Variants in ZNF214 observed in about 807,000 individuals in gnomAD.
ZNF214 encodes zinc finger protein 214, also known as BWSCR2-associated zinc finger protein 1.
A neutral mutation model predicts 53.9 loss-of-function variants in ZNF214; 43 were observed. The ratio of observed to expected loss-of-function variants is 0.80; its 90% CI spans 0.63 to 1.03. ZNF214 has a LOEUF of 1.03. Among genes scored for constraint, ZNF214 ranks in the 50% least tolerant of loss-of-function variants. The probability of loss-of-function intolerance (pLI) is 0.00; values close to 1 mark genes in which losing one functional copy is unlikely to be tolerated. For synonymous variants in ZNF214, 217 were observed against 229.5 expected, an observed-to-expected ratio of 0.95 and a Z score of 0.49; for missense variants, 724 against 719.1, an observed-to-expected ratio of 1.01 and a Z score of -0.08.
intron 2 of ZNF214, 86 bp from the exon 3 acceptor site, chr11:7,001,641 A>G: frequency 7.0e-7 from 1 of 1,430,850 alleles, no homozygotes; most frequent in Non-Finnish European, 9.3e-7. Flanking sequence ...CCTTTAAATG[A>G]TAGGAATATA....
In ZNF214 at chr11:7,000,214, C is replaced by T; in HGVS notation, c.1469G>A (p.Arg490Lys). The change falls in exon 3 of 3, where the codon AGA becomes AAA. Residue 490 changes from arginine to lysine, a missense_variant. Coordinates refer to ENST00000278314, the MANE Select transcript of ZNF214 (RefSeq NM_013249.4). ...GTAGGGTTTCTCTCCAGTATGTACT[C>T]TTTGATGAGTGTGAAGCTTTGAACT... The part of the protein sequence containing the change: ...SKSSKLHTHQ[R>K]VHTGEKPYKC... 6.2e-7 allele frequency: 1 copy of T among 1,613,308 alleles called. No individual in the cohort carries two copies. Among genetic ancestry groups the T allele is most frequent in the African/African-American group, 1.3e-5 (1 of 74,952 alleles).
chr11:7,001,598 T>G (rs1173039463), intron 2 of ZNF214, 43 bp from the exon 3 acceptor site: 1 of 1,529,698 alleles, frequency 6.5e-7, no homozygotes, highest in Non-Finnish European at 8.7e-7. Flanking sequence ...ATAAAAGCTG[T>G]GTTGAAAAAT....
chr11:7,018,146 A>C (rs1287078611), intron 1 of ZNF214, among the ~76,000 whole-genome samples: 1 of 152,216 alleles, frequency 6.6e-6, no homozygotes, highest in Non-Finnish European at 1.5e-5. Flanking sequence ...TAAATAAAAG[A>C]CTACAAGTAA....
chr11:7,010,048 C>A (rs189931610), intron 1 of ZNF214, among the ~76,000 whole-genome samples: 1 of 151,850 alleles, frequency 6.6e-6, no homozygotes, highest in East Asian at 1.9e-4. Flanking sequence ...ATTACCATAC[C>A]CAGAAATCCC....
Position 7,000,785 on chromosome 11 carries a change from C to T in ZNF214, c.898G>A (p.Glu300Lys), listed in dbSNP as rs776184893. The T allele has an allele frequency of 6.2e-7, 1 of 1,610,702 alleles. No individual in the cohort carries two copies. Among genetic ancestry groups the T allele is most frequent in the Non-Finnish European group, 8.5e-7 (1 of 1,179,198 alleles). The change falls in exon 3 of 3, where the codon GAG (glutamate) becomes AAG (lysine). Residue 300 changes from glutamate to lysine, a missense_variant. Transcript: ENST00000278314. The stretch of plus-strand genomic sequence containing the variant: ...CATGCATTACAGCTATAAGGTACCT[C>T]CCCTATGTGAACTCTCTGATGAAAG... ...VHFHQRVHIGEVPYSCNACGK... is the reference protein window; with the variant it reads ...VHFHQRVHIGKVPYSCNACGK...
At chr11:7,001,856 C>G (rs1851363032) in intron 2 of ZNF214, among the ~76,000 whole-genome samples, 1 of 151,994 alleles carries the variant, frequency 6.6e-6, no homozygotes, top group South Asian at 2.1e-4. Context: ...CCAACTGCTT[C>G]ATGGAAATAG....
intron 1 of ZNF214, among the ~76,000 whole-genome samples, chr11:7,012,781 A>C (rs1224822310): frequency 6.6e-6 from 1 of 152,244 alleles, no homozygotes; most frequent in African/African-American, 2.4e-5. Flanking sequence ...AAAGTGAAAC[A>C]TAAGGCCAGT....
At chr11:7,017,734 G>A (rs1281939255) in intron 1 of ZNF214, among the ~76,000 whole-genome samples, 22 of 105,774 alleles carry the variant, frequency 2.1e-4, no homozygotes, top group South Asian at 3.8e-4. Context: ...GCGAGACTCC[G>A]TCTCAAAAAA....
Position 6,998,014 on chromosome 11 carries a change from C to T in ZNF214, c.*1848G>A, listed in dbSNP as rs1316990176. On this transcript the variant is annotated 3_prime_UTR_variant, in exon 3 of 3. Transcript: ENST00000278314. ...CACTAGTCCTTTTATACCATGATTT[C>T]CACATTCACAAACTCTCTTTAAGGC... 1.3e-5 allele frequency among the ~76,000 whole-genome samples: 2 copies of T among 151,890 alleles called. No individual in the cohort carries two copies. Among genetic ancestry groups the T allele is most frequent in the Non-Finnish European group, 2.9e-5 (2 of 67,888 alleles).
Position 6,999,952 on chromosome 11 carries a change from T to G in ZNF214, c.1731A>C (p.Ala577=), listed in dbSNP as rs1186649362. ...CACGGCATTTGTAAGGTTTCTCTCC[T>G]GCATGGACTCTTTGATGAATTCGAA... ...SALRIHQRVH[A]GEKPYKCREY... is the part of the protein sequence containing the mutation. The change falls in exon 3 of 3, where the codon GCA becomes GCC. Residue 577 remains alanine (A), a synonymous_variant. Transcript: ENST00000278314. The G allele has an allele frequency of 1.9e-6, 3 of 1,613,174 alleles. No individual in the cohort carries two copies. The highest frequency in any genetic ancestry group is 2.5e-6 in the Non-Finnish European group (3 of 1,179,456).
rs1293059143 is a variant in ZNF214 at position 7,020,067 on chromosome 11, A to G, written c.-21+6T>C. The G allele has an allele frequency of 5.3e-5, 8 of 152,004 alleles. No homozygotes were observed. In the East Asian group the frequency reaches 1.6e-3, roughly 30 times the overall value. 9.4% of individuals were successfully genotyped at this position (152,004 alleles called of 1,614,324 possible). ...GCCCAAGCTGCTTCTGCCCTCCTCTACTTGCCTTTATTAAGTCTTAACGTG... is the reference window on the plus strand; with the variant it reads ...GCCCAAGCTGCTTCTGCCCTCCTCTGCTTGCCTTTATTAAGTCTTAACGTG... On this transcript the variant is annotated splice_donor_region_variant and intron_variant, in intron 1 of 2. Coordinates refer to ENST00000278314, the MANE Select transcript of ZNF214 (RefSeq NM_013249.4).
At chr11:7,015,075 A>G (rs767955562) in intron 1 of ZNF214, among the ~76,000 whole-genome samples, 6 of 146,088 alleles carry the variant, frequency 4.1e-5, no homozygotes, top group Non-Finnish European at 8.9e-5. Context: ...TCAGACATAT[A>G]AATAATAATT....
At chr11:7,008,673 T>C (rs756088697) in intron 1 of ZNF214, among the ~76,000 whole-genome samples, 11 of 152,116 alleles carry the variant, frequency 7.2e-5, no homozygotes, top group Non-Finnish European at 1.5e-4. Context: ...CATGATTCCA[T>C]ACCTAGAAAA....
Position 6,997,585 on chromosome 11 carries a change from T to TAA in ZNF214, c.*2275_*2276dup, listed in dbSNP as rs1188766605. Among the ~76,000 whole-genome samples, 4,410 of 122,812 alleles carry TAA rather than the reference T, an allele frequency of 0.036. 245 individuals carry two copies. The highest frequency in any genetic ancestry group is 0.12 in the African/African-American group (4,045 of 34,206). The allele number at this position is 122,812 out of a possible 152,430, so 80.6% of individuals were successfully genotyped here. Reference sequence around the variant, plus strand: ...TTATTAAGTTGTAATTTTAGGTTTGTAAAAAAAAAAAAAAAAGGCCTTTCT... The same window carrying TAA: ...TTATTAAGTTGTAATTTTAGGTTTGTAAAAAAAAAAAAAAAAAAGGCCTTTCT... On this transcript the variant is annotated 3_prime_UTR_variant, in exon 3 of 3. Transcript: ENST00000278314.
At chr11:7,004,321 T>G (rs956942725) in intron 1 of ZNF214, among the ~76,000 whole-genome samples, 77 of 152,210 alleles carry the variant, frequency 5.1e-4, no homozygotes, top group African/African-American at 1.8e-3. Flanking sequence ...ACATTCATAC[T>G]TCACTGATTT....
rs147893206 is a variant in ZNF214, at chr11:7,017,738, C to CAA, written c.-21+2333_-21+2334dup. Among the ~76,000 whole-genome samples, 383 of 136,976 alleles carry CAA rather than the reference C, an allele frequency of 2.8e-3. 2 individuals are homozygous for CAA. Among genetic ancestry groups the CAA allele is most frequent in the Middle Eastern group, 3.9e-3 (1 of 258 alleles). The allele number at this position is 136,976 out of a possible 152,430, so 89.9% of individuals were successfully genotyped here. ...TGGGCGACAGAGCGAGACTCCGTCT[C>CAA]AAAAAAAAAAAAAGCAAACTTAAAT... On this transcript the variant is annotated intron_variant, in intron 1 of 2. Transcript: ENST00000278314.
At position 6,999,120 on chromosome 11, in the gene ZNF214, C is replaced by T. The variant is rs1851253852; in HGVS notation, c.*742G>A. Among the ~76,000 whole-genome samples, 1 of 151,896 alleles carries T rather than the reference C, an allele frequency of 6.6e-6. No homozygotes were observed. The highest frequency in any genetic ancestry group is 1.5e-5 in the Non-Finnish European group (1 of 67,898). The stretch of plus-strand genomic sequence containing the variant: ...CTAGCACTTTTGTCCATACCCTTCA[C>T]ACCTTAGAGAAAATTCTGTACTTCT... On this transcript the variant is annotated 3_prime_UTR_variant, in exon 3 of 3. Coordinates refer to ENST00000278314, the MANE Select transcript of ZNF214 (RefSeq NM_013249.4).
chr11:7,000,384 C>T lies in ZNF214; in HGVS notation c.1299G>A (p.Gln433=). 6.2e-7 allele frequency: 1 copy of T among 1,613,432 alleles called. No individual in the cohort carries two copies. The highest frequency in any genetic ancestry group is 8.5e-7 in the Non-Finnish European group (1 of 1,179,608). The change falls in exon 3 of 3, where the codon CAG becomes CAA. Residue 433 remains glutamine (Q), a synonymous_variant. Coordinates refer to ENST00000278314, the MANE Select transcript of ZNF214 (RefSeq NM_013249.4). The part of the protein sequence containing the change: ...FTQRSNLQIH[Q]RVHTGEKPYK... ...AAGGTTTCTCTCCTGTATGCACTCT[C>T]TGATGAATTTGAAGATTTGAGCGCT...
At chr11:7,004,150 GGA>G (rs1161129254) in intron 1 of ZNF214, among the ~76,000 whole-genome samples, 1 of 151,590 alleles carries the variant, frequency 6.6e-6, no homozygotes. Flanking sequence ...CTAGCAATTA[GGA>G]GTCTAATTTC....
Sources: gnomAD v4.1 joint callset for allele counts (sites outside exome capture counted in the v4.1 genomes callset) on GRCh38, gnomAD v4.1.1 for gene constraint, MANE v1.5 for transcripts, NCBI Gene and HGNC (gene_info 2026-07-23, HGNC 2026-07-21) for gene names.